The following SSH2 variants were observed in gnomAD, a reference collection of about 807,000 sequenced individuals.
SSH2 encodes protein phosphatase Slingshot homolog 2.
Under a neutral mutation model 135.2 loss-of-function variants are expected in SSH2, and 37 were observed. The ratio of observed to expected loss-of-function variants is 0.27; its 90% CI spans 0.21 to 0.36. The LOEUF is 0.36. Ranked by LOEUF, SSH2 falls within the 10% of genes least tolerant of loss-of-function variation. SSH2 has a pLI of 1.00. For synonymous variants in SSH2, 628 were observed against 646.2 expected, an observed-to-expected ratio of 0.97 and a Z score of 0.43; for missense variants, 1,408 against 1,765.3, an observed-to-expected ratio of 0.80 and a Z score of 3.63.
chr17:29,785,491 ATTTTTTTT>A (rs34346245), intron 3 of SSH2, among the ~76,000 whole-genome samples: 26 of 78,490 alleles, frequency 3.3e-4, no homozygotes, highest in African/African-American at 1.0e-3. Flanking sequence ...TTGGCGTTTC[ATTTTTTTT>A]TTTTTTTTTT....
chr17:29,734,473 A>G (rs1364078931), intron 3 of SSH2, among the ~76,000 whole-genome samples: 1 of 152,204 alleles, frequency 6.6e-6, no homozygotes, highest in Non-Finnish European at 1.5e-5. Context: ...GTGCACAAAC[A>G]GTTAAACAGC....
intron 2 of SSH2, among the ~76,000 whole-genome samples, chr17:29,821,895 C>A (rs1271186879): frequency 1.3e-5 from 2 of 152,152 alleles, no homozygotes; most frequent in South Asian, 4.1e-4. Context: ...CTGCCCGCCT[C>A]GGCCTCCCAA....
chr17:29,897,534 C>T (rs1219025090), intron 1 of SSH2, among the ~76,000 whole-genome samples: 5 of 151,322 alleles, frequency 3.3e-5, no homozygotes, highest in Non-Finnish European at 7.4e-5. Flanking sequence ...AGAGACAAGG[C>T]CATTACATAA....
At chr17:29,795,064 C>T (rs1368638949) in intron 2 of SSH2, among the ~76,000 whole-genome samples, 1 of 152,136 alleles carries the variant, frequency 6.6e-6, no homozygotes, top group Non-Finnish European at 1.5e-5. Flanking sequence ...ACTGTCTGCC[C>T]AACAAGTCAC....
intron 3 of SSH2, among the ~76,000 whole-genome samples, chr17:29,771,691 C>G (rs1281806490): frequency 3.3e-5 from 5 of 152,172 alleles, no homozygotes; most frequent in African/African-American, 4.8e-5. Context: ...TTCAAGCCTG[C>G]TCTAGACTTT....
chr17:29,646,134 C>A (rs1321481443), intron 14 of SSH2, among the ~76,000 whole-genome samples: 1 of 152,156 alleles, frequency 6.6e-6, no homozygotes, highest in Non-Finnish European at 1.5e-5. Flanking sequence ...AGAATTTCAG[C>A]ATGTAGCATC....
At chr17:29,877,415 C>T (rs1396042576) in intron 1 of SSH2, among the ~76,000 whole-genome samples, 1 of 152,222 alleles carries the variant, frequency 6.6e-6, no homozygotes, top group Admixed American at 6.5e-5. Context: ...ACAGAGGTAT[C>T]TGTACTCCTA....
chr17:29,771,363 A>G (rs1352969560), intron 3 of SSH2, among the ~76,000 whole-genome samples: 1 of 152,240 alleles, frequency 6.6e-6, no homozygotes, highest in African/African-American at 2.4e-5. Flanking sequence ...ATAAGCACTA[A>G]ATACATCCTG....
chr17:29,885,435 A>G (rs146066299), intron 1 of SSH2, among the ~76,000 whole-genome samples: 7 of 151,548 alleles, frequency 4.6e-5, no homozygotes, highest in African/African-American at 1.7e-4. Flanking sequence ...CCTGAGTGAC[A>G]CGAGTGATAG....
intron 1 of SSH2, among the ~76,000 whole-genome samples, chr17:29,857,413 C>T (rs2065682138): frequency 6.6e-6 from 1 of 152,088 alleles, no homozygotes; most frequent in Non-Finnish European, 1.5e-5. Flanking sequence ...TCAGTTACCT[C>T]CCACCAGAGT....
intron 2 of SSH2, among the ~76,000 whole-genome samples, chr17:29,813,732 C>G (rs1190922834): frequency 6.7e-6 from 1 of 150,268 alleles, no homozygotes; most frequent in Non-Finnish European, 1.5e-5. Context: ...GCAGGAGAAT[C>G]GCTTGAACCC....
At chr17:29,888,060 G>A (rs1217463309) in intron 1 of SSH2, among the ~76,000 whole-genome samples, 1 of 152,018 alleles carries the variant, frequency 6.6e-6, no homozygotes. Flanking sequence ...AATGTAGTGA[G>A]ATCTCATTTC....
chr17:29,856,030 G>T, intron 1 of SSH2: 1 of 391,388 alleles, frequency 2.6e-6, no homozygotes, highest in South Asian at 2.0e-5. Context: ...TACAAGATGA[G>T]GTCTGTGCAT....
intron 1 of SSH2, among the ~76,000 whole-genome samples, chr17:29,857,310 C>A (rs1418807374): frequency 1.3e-5 from 2 of 152,130 alleles, no homozygotes; most frequent in Non-Finnish European, 2.9e-5. Context: ...AAAGAGAGAG[C>A]TTGTGTGGGG....
intron 1 of SSH2, among the ~76,000 whole-genome samples, chr17:29,895,123 G>A (rs1156249922): frequency 4.0e-5 from 6 of 148,376 alleles, no homozygotes; most frequent in Non-Finnish European, 8.9e-5. Context: ...ATAGATAGAT[G>A]TATTTTATAC....
intron 1 of SSH2, among the ~76,000 whole-genome samples, chr17:29,855,359 G>A (rs568830560): frequency 2.0e-5 from 3 of 152,226 alleles, no homozygotes; most frequent in Non-Finnish European, 4.4e-5. Flanking sequence ...CAAAAAATTA[G>A]CTGGGCGTGG....
chr17:29,846,364 T>C (rs1054711862), intron 2 of SSH2, among the ~76,000 whole-genome samples: 2 of 152,130 alleles, frequency 1.3e-5, no homozygotes, highest in Non-Finnish European at 2.9e-5. Flanking sequence ...GGATACCATA[T>C]AAGGAGACTG....
At chr17:29,754,947 C>T (rs1436298858) in intron 3 of SSH2, among the ~76,000 whole-genome samples, 1 of 152,228 alleles carries the variant, frequency 6.6e-6, no homozygotes, top group African/African-American at 2.4e-5. Context: ...GCGTGAGCCA[C>T]TGCACCCAGC....
intron 3 of SSH2, chr17:29,761,371 G>A (rs1022419200): frequency 2.5e-4 from 272 of 1,069,286 alleles, no homozygotes; most frequent in Non-Finnish European, 3.0e-4. Context: ...GCGGAGGCGG[G>A]CCCGCCGGGT....
Sources: gnomAD v4.1 joint callset for allele counts (sites outside exome capture counted in the v4.1 genomes callset) on GRCh38, gnomAD v4.1.1 for gene constraint, MANE v1.5 for transcripts, NCBI Gene and HGNC (gene_info 2026-07-23, HGNC 2026-07-21) for gene names.